Variants in ANKRD45 observed in about 807,000 individuals in gnomAD.
ANKRD45 encodes ankyrin repeat domain-containing protein 45.
A neutral mutation model predicts 28.1 loss-of-function variants in ANKRD45; 21 were observed. That is an observed-to-expected ratio of 0.75 (90% CI 0.53 to 1.08). The LOEUF is 1.08. Ranked by LOEUF, ANKRD45 falls within the 50% of genes least tolerant of loss-of-function variation. The pLI, the probability that ANKRD45 is intolerant of heterozygous loss-of-function variation, is 0.00. For missense variants in ANKRD45, 261 were observed against 308.7 expected (o/e 0.85, Z 1.16); for synonymous variants, 86 against 103.9 (o/e 0.83, Z 1.05).
upstream of ANKRD45, chr1:173,669,855 G>A (rs1259411453): frequency 1.8e-5 from 3 of 169,734 alleles, no homozygotes; most frequent in Middle Eastern, 5.1e-4. Flanking sequence ...CCATAGCAAC[G>A]GCGCAACACG....
At chr1:173,688,329 A>G in the ANKRD45 span, among the ~76,000 whole-genome samples, 1 of 114,850 alleles carries the variant, frequency 8.7e-6, no homozygotes, top group Non-Finnish European at 1.9e-5. Context: ...TCTCTCTCTG[A>G]CTCCCTCTTT....
chr1:173,613,564 C>T (rs1231415145), intron 5 of ANKRD45, among the ~76,000 whole-genome samples: 87 of 118,912 alleles, frequency 7.3e-4, no homozygotes, highest in African/African-American at 5.2e-3. Context: ...GGGGGTCAGC[C>T]CCCCCCCCGG....
chr1:173,677,272 A>C, the ANKRD45 span, among the ~76,000 whole-genome samples: 1 of 152,048 alleles, frequency 6.6e-6, no homozygotes, highest in African/African-American at 2.4e-5. Flanking sequence ...GAAGTCAATT[A>C]AATTTGTTTT....
At chr1:173,709,623 C>T in the ANKRD45 span, among the ~76,000 whole-genome samples, 1 of 151,856 alleles carries the variant, frequency 6.6e-6, no homozygotes, top group African/African-American at 2.4e-5. Context: ...GGGCACCCTA[C>T]TAGATGTTTT....
At chr1:173,683,465 T>C in the ANKRD45 span, among the ~76,000 whole-genome samples, 1 of 152,164 alleles carries the variant, frequency 6.6e-6, no homozygotes, top group East Asian at 1.9e-4. Flanking sequence ...AAAAGAGTTG[T>C]ATAGCAAAAT....
At chr1:173,696,646 C>T in the ANKRD45 span, among the ~76,000 whole-genome samples, 1 of 152,010 alleles carries the variant, frequency 6.6e-6, no homozygotes, top group Non-Finnish European at 1.5e-5. Context: ...CTGTTTTTGA[C>T]CAATACCATG....
At chr1:173,644,177 T>C (rs917635203) in intron 3 of ANKRD45, among the ~76,000 whole-genome samples, 2 of 152,176 alleles carry the variant, frequency 1.3e-5, no homozygotes, top group East Asian at 3.8e-4. Context: ...TCTGAATCCT[T>C]TAAGTCTCCC....
intron 3 of ANKRD45, among the ~76,000 whole-genome samples, chr1:173,633,529 T>C (rs548194900): frequency 3.4e-4 from 51 of 152,098 alleles, no homozygotes; most frequent in African/African-American, 1.2e-3. Context: ...AGCCCCAGAA[T>C]AGCCAAAGAC....
chr1:173,676,710 A>G, the ANKRD45 span, among the ~76,000 whole-genome samples: 2 of 151,974 alleles, frequency 1.3e-5, no homozygotes, highest in Admixed American at 1.3e-4. Context: ...TTGACAAGGA[A>G]ATTTGTTACC....
chr1:173,702,403 G>A, the ANKRD45 span, among the ~76,000 whole-genome samples: 1 of 152,152 alleles, frequency 6.6e-6, no homozygotes, highest in East Asian at 1.9e-4. Flanking sequence ...CATATAGGGG[G>A]TAGCTAAAAC....
In ANKRD45 at chr1:173,634,695, T is replaced by C. The variant is rs143801504; in HGVS notation, c.497-7536A>G. On this transcript the variant is annotated intron_variant, in intron 3 of 5. Coordinates refer to ENST00000333279, the MANE Select transcript of ANKRD45 (RefSeq NM_198493.3). Reference sequence around the variant, plus strand: ...TTAGTAAAATCTAAAATTTTTTAGATTTAGTAAAATGAGAACTATTTATTT... The same window carrying C: ...TTAGTAAAATCTAAAATTTTTTAGACTTAGTAAAATGAGAACTATTTATTT... Among the ~76,000 whole-genome samples the C allele has an allele frequency of 3.3e-3, 503 of 152,094 alleles. 3 individuals carry two copies. The highest frequency in any genetic ancestry group is 0.011 in the African/African-American group (466 of 41,564).
chr1:173,638,645 A>C (rs1486034380), intron 3 of ANKRD45, among the ~76,000 whole-genome samples: 2 of 152,228 alleles, frequency 1.3e-5, no homozygotes, highest in African/African-American at 4.8e-5. Context: ...TAGTTGAAGA[A>C]AGTAGAAAAT....
intron 1 of ANKRD45, among the ~76,000 whole-genome samples, chr1:173,665,733 G>T (rs56365275): frequency 0.068 from 10,373 of 152,138 alleles, 1,249 homozygotes; most frequent in African/African-American, 0.24. Context: ...CTGAGGCCAG[G>T]TACAGTGGCT....
At chr1:173,637,646 G>A (rs191900285) in intron 3 of ANKRD45, among the ~76,000 whole-genome samples, 1 of 152,326 alleles carries the variant, frequency 6.6e-6, no homozygotes, top group African/African-American at 2.4e-5. Context: ...TCCAGCCAAT[G>A]GAAACCGGAC....
the ANKRD45 span, among the ~76,000 whole-genome samples, chr1:173,678,763 A>G: frequency 6.6e-6 from 1 of 152,184 alleles, no homozygotes; most frequent in Non-Finnish European, 1.5e-5. Flanking sequence ...AGGGAGTCAA[A>G]TTGTCTCTGT....
chr1:173,640,655 G>T (rs1179103792), intron 3 of ANKRD45, among the ~76,000 whole-genome samples: 2 of 152,078 alleles, frequency 1.3e-5, no homozygotes, highest in Non-Finnish European at 2.9e-5. Flanking sequence ...GTCACACCTT[G>T]TGGAGATGTG....
chr1:173,690,322 A>C, the ANKRD45 span, among the ~76,000 whole-genome samples: 1 of 152,034 alleles, frequency 6.6e-6, no homozygotes, highest in South Asian at 2.1e-4. Context: ...CTGAGGCAGC[A>C]GTGGCTGTTT....
intron 5 of ANKRD45, among the ~76,000 whole-genome samples, chr1:173,615,142 C>CCCCCCAGACCGGGCGCGGTGGCT (rs1477714373): frequency 1.3e-5 from 2 of 151,928 alleles, no homozygotes; most frequent in Non-Finnish European, 2.9e-5. Context: ...TTAAAAATGC[C>CCCCCCAGACCGGGCGCGGTGGCT]CCCCCAGACC....
At chr1:173,697,314 A>G in the ANKRD45 span, among the ~76,000 whole-genome samples, 1 of 152,172 alleles carries the variant, frequency 6.6e-6, no homozygotes, top group African/African-American at 2.4e-5. Flanking sequence ...AATTCAGAGA[A>G]CACCACAAAG....
Sources: gnomAD v4.1 joint callset for allele counts (sites outside exome capture counted in the v4.1 genomes callset) on GRCh38, gnomAD v4.1.1 for gene constraint, MANE v1.5 for transcripts, NCBI Gene and HGNC (gene_info 2026-07-23, HGNC 2026-07-21) for gene names.